The following PTPRD variants were observed in gnomAD, a reference collection of about 807,000 sequenced individuals.
PTPRD encodes protein tyrosine phosphatase receptor type D.
Under a neutral mutation model 214.5 loss-of-function variants are expected in PTPRD, and 34 were observed. The observed-to-expected ratio is 0.16, with a 90% CI of 0.12 to 0.21. PTPRD has a LOEUF of 0.21. Among genes scored for constraint, PTPRD ranks in the 10% least tolerant of loss-of-function variants. PTPRD has a pLI of 1.00. For missense variants in PTPRD, 2,545 were observed against 2,398.7 expected (o/e 1.06, Z -1.27); for synonymous variants, 1,128 against 845.7 (o/e 1.33, Z -5.79).
intron 15 of PTPRD, 89 bp from the exon 16 acceptor site, chr9:8,527,442 CT>C: frequency 8.8e-7 from 1 of 1,135,938 alleles, no homozygotes; most frequent in Non-Finnish European, 1.3e-6. Context: ...AGAGTTAAAG[CT>C]TTATATACTA....
At chr9:9,263,591 C>G (rs887557978) in intron 9 of PTPRD, among the ~76,000 whole-genome samples, 2 of 151,630 alleles carry the variant, frequency 1.3e-5, no homozygotes, top group Non-Finnish European at 3.0e-5. Context: ...AGTAAATATC[C>G]AATTTTCCCT....
intron 9 of PTPRD, among the ~76,000 whole-genome samples, chr9:9,396,788 C>T (rs185116294): frequency 1.3e-5 from 2 of 152,078 alleles, no homozygotes; most frequent in East Asian, 3.9e-4. Flanking sequence ...AAATGAGTAA[C>T]AATTTTATGT....
chr9:10,288,593 G>T (rs1329546541), intron 3 of PTPRD, among the ~76,000 whole-genome samples: 1 of 152,074 alleles, frequency 6.6e-6, no homozygotes, highest in Non-Finnish European at 1.5e-5. Context: ...ATCCTCTAGA[G>T]GCCAGGAAAG....
At chr9:10,552,422 C>A (rs568513893) in intron 2 of PTPRD, among the ~76,000 whole-genome samples, 1 of 152,252 alleles carries the variant, frequency 6.6e-6, no homozygotes, top group South Asian at 2.1e-4. Context: ...TAAACTCCAT[C>A]ATGCTCTTGA....
chr9:9,661,125 T>A (rs1230909061), intron 7 of PTPRD, among the ~76,000 whole-genome samples: 1 of 151,984 alleles, frequency 6.6e-6, no homozygotes. Flanking sequence ...GGGTCTAAAT[T>A]AAATATGAAA....
At chr9:10,610,209 GTTA>G (rs972199051) in intron 2 of PTPRD, among the ~76,000 whole-genome samples, 14 of 152,104 alleles carry the variant, frequency 9.2e-5, no homozygotes, top group African/African-American at 3.4e-4. Flanking sequence ...ATTTTTATCT[GTTA>G]TTATATAGAG....
intron 8 of PTPRD, among the ~76,000 whole-genome samples, chr9:9,531,484 G>C (rs976279002): frequency 6.6e-6 from 1 of 152,244 alleles, no homozygotes; most frequent in South Asian, 2.1e-4. Context: ...TGCAATGTTC[G>C]AAAGAATTTT....
chr9:9,580,883 T>C (rs1385244152), intron 7 of PTPRD, among the ~76,000 whole-genome samples: 1 of 151,928 alleles, frequency 6.6e-6, no homozygotes, highest in Non-Finnish European at 1.5e-5. Context: ...TGTTTTGTTG[T>C]TGTTGTTAAG....
At chr9:10,461,447 T>C (rs2098957969) in intron 2 of PTPRD, among the ~76,000 whole-genome samples, 1 of 151,914 alleles carries the variant, frequency 6.6e-6, no homozygotes, top group Non-Finnish European at 1.5e-5. Flanking sequence ...TCTAGGTGCC[T>C]ATCAATGAAA....
At position 10,592,947 on chromosome 9, in the gene PTPRD, C is replaced by CT. The variant is rs896807096; in HGVS notation, c.-600+19450dup. ...CCTTCCACACTGTGGAAGCTTTGTT[C>CT]TTTCATGTTCTTTCGCTCTTCACAA... On this transcript the variant is annotated intron_variant, in intron 2 of 45. Coordinates refer to ENST00000381196, the MANE Select transcript of PTPRD (RefSeq NM_002839.4). Among the ~76,000 whole-genome samples the CT allele has an allele frequency of 1.7e-3, 254 of 151,978 alleles. 2 individuals are homozygous for CT. Among genetic ancestry groups the CT allele is most frequent in the African/African-American group, 6.0e-3 (247 of 41,490 alleles).
chr9:9,816,982 T>C (rs2048981586), intron 5 of PTPRD, among the ~76,000 whole-genome samples: 2 of 152,068 alleles, frequency 1.3e-5, no homozygotes. Flanking sequence ...AGATTATTAT[T>C]TTATATACGT....
At position 10,445,273 on chromosome 9, in the gene PTPRD, G is replaced by T. The variant is rs1012250421; in HGVS notation, c.-599-104256C>A. 2.0e-5 allele frequency among the ~76,000 whole-genome samples: 3 copies of T among 152,080 alleles called. No individual in the cohort carries two copies. In the South Asian group the frequency reaches 6.2e-4, roughly 31 times the overall value. ...AGAAGGTCTTGTCAACTGTGAAGGA[G>T]TCAGAACTACTTTGAGTTGCAATTG... On this transcript the variant is annotated intron_variant, in intron 2 of 45. Coordinates refer to ENST00000381196, the MANE Select transcript of PTPRD (RefSeq NM_002839.4).
chr9:9,325,626 T>A (rs146553190), intron 9 of PTPRD, among the ~76,000 whole-genome samples: 2,606 of 152,276 alleles, frequency 0.017, 75 homozygotes, highest in African/African-American at 0.06. Flanking sequence ...TATACAATCA[T>A]GTCATCTGCA....
intron 10 of PTPRD, among the ~76,000 whole-genome samples, chr9:9,175,644 A>AAACAAT: frequency 6.6e-6 from 1 of 150,546 alleles, no homozygotes; most frequent in Non-Finnish European, 1.5e-5. Context: ...AAAAAAAAAA[A>AAACAAT]AAAAAAGAGT....
At chr9:10,168,982 T>C (rs1413013549) in intron 3 of PTPRD, among the ~76,000 whole-genome samples, 1 of 152,184 alleles carries the variant, frequency 6.6e-6, no homozygotes, top group Non-Finnish European at 1.5e-5. Flanking sequence ...GTCAGGAGTT[T>C]ATTGCAGAAA....
intron 2 of PTPRD, among the ~76,000 whole-genome samples, chr9:10,605,310 T>C (rs961250569): frequency 6.6e-6 from 1 of 151,898 alleles, no homozygotes; most frequent in African/African-American, 2.4e-5. Flanking sequence ...GTAACTGCTA[T>C]TGTATTCTAT....
intron 5 of PTPRD, among the ~76,000 whole-genome samples, chr9:9,903,589 G>A (rs1390686727): frequency 6.6e-6 from 1 of 152,042 alleles, no homozygotes; most frequent in African/African-American, 2.4e-5. Flanking sequence ...AAGCAGCTCT[G>A]TTAATATTTA....
At chr9:10,533,355 T>C (rs2056930250) in intron 2 of PTPRD, among the ~76,000 whole-genome samples, 1 of 152,288 alleles carries the variant, frequency 6.6e-6, no homozygotes, top group East Asian at 1.9e-4. Flanking sequence ...CACTTATGTA[T>C]TTAGCAATTA....
At chr9:9,884,566 A>G (rs1439643619) in intron 5 of PTPRD, among the ~76,000 whole-genome samples, 2 of 152,122 alleles carry the variant, frequency 1.3e-5, no homozygotes, top group Non-Finnish European at 2.9e-5. Context: ...AAAGGCCTTG[A>G]AGACACTATT....
Sources: allele counts gnomAD v4.1 joint callset (sites outside exome capture counted in the v4.1 genomes callset), GRCh38; gene constraint gnomAD v4.1.1; transcripts MANE v1.5; gene names NCBI Gene and HGNC (gene_info 2026-07-23, HGNC 2026-07-21).